CCAR1: variants seen among roughly 807,000 people sequenced by gnomAD.
CCAR1 encodes the protein cell division cycle and apoptosis regulator protein 1.
A neutral mutation model predicts 163.8 loss-of-function variants in CCAR1; 78 were observed. The observed-to-expected ratio is 0.48, with a 90% CI of 0.40 to 0.57. The LOEUF (loss-of-function observed/expected upper bound fraction) is 0.57. Ranked by LOEUF, CCAR1 falls within the 20% of genes least tolerant of loss-of-function variation. The pLI, the probability that CCAR1 is intolerant of heterozygous loss-of-function variation, is 0.00. For synonymous variants in CCAR1, 443 were observed against 460.7 expected (o/e 0.96, Z 0.49); for missense variants, 1,019 against 1,365.2 (o/e 0.75, Z 4.00).
chr10:68,764,533 T>G (rs1589177778), intron 16 of CCAR1, among the ~76,000 whole-genome samples: 1 of 150,896 alleles, frequency 6.6e-6, no homozygotes, highest in East Asian at 1.9e-4. Context: ...AGACCCTGTC[T>G]CAAAACAAAA....
Position 68,772,996 on chromosome 10 carries a change from TA to T in CCAR1, c.2551del (p.Arg851GlufsTer40). The T allele has an allele frequency of 2.2e-6, 3 of 1,392,336 alleles. No individual in the cohort carries two copies. Among genetic ancestry groups the T allele is most frequent in the African/African-American group, 1.5e-5 (1 of 68,414 alleles). The allele number at this position is 1,392,336 out of a possible 1,614,324, so 86.2% of individuals were successfully genotyped here. On this transcript the variant is annotated frameshift_variant, in exon 19 of 25. Coordinates refer to ENST00000265872, the MANE Select transcript of CCAR1 (RefSeq NM_018237.4). LOFTEE classifies it high-confidence loss of function. ...EDRDERKKEDKRKDDSKDDDE... is the reference protein window; with the variant it reads ...EDRDERKKEDXRKDDSKDDDE... ...GGCATTTTAAATTATAGAAAGAAGA[TA>T]AAAGAAAAGATGATTCTAAAGATGA...
At position 68,747,557 on chromosome 10, in the gene CCAR1, C is replaced by A; in HGVS notation, c.817C>A (p.Gln273Lys). The change falls in exon 8 of 25, where the codon CAG becomes AAG. Residue 273 changes from glutamine (Q) to lysine (K), a missense_variant. Physicochemically the swap from Gln to Lys is moderately conservative, Grantham distance 53. Transcript: ENST00000265872. The part of the protein sequence containing the change: ...TQPQPLLQQP[Q>K]QKAGLLQPPV... ...ACCACAGCCCTTATTACAGCAGCCT[C>A]AGCAAAAAGGTATCTTTGCTTTTGT... The A allele has an allele frequency of 6.2e-7, 1 of 1,608,644 alleles. No individual in the cohort carries two copies. Among genetic ancestry groups the A allele is most frequent in the Admixed American group, 1.7e-5 (1 of 58,784 alleles).
chr10:68,742,724 T>C (rs1217109813), intron 6 of CCAR1, among the ~76,000 whole-genome samples, 155 bp downstream of exon 6: 1 of 152,128 alleles, frequency 6.6e-6, no homozygotes, highest in Non-Finnish European at 1.5e-5. Context: ...CAAGCAATTC[T>C]CTTGCCTCAG....
At position 68,737,700 on chromosome 10, in the gene CCAR1, G is replaced by GT. The variant is rs1359346112; in HGVS notation, c.247-138dup. 76 of 397,574 alleles carry GT rather than the reference G, an allele frequency of 1.9e-4. 1 individual carries two copies. The Admixed American group carries it at 3.0e-3, about 16-fold the overall frequency. 24.6% of individuals were successfully genotyped at this position (397,574 alleles called of 1,614,324 possible). On this transcript the variant is annotated intron_variant, in intron 3 of 24. Transcript: ENST00000265872. ...TATTATTATTATTTTTATTTTTTTT[G>GT]TTTTTTTCTTTGAATCAATGCCACA...
intron 19 of CCAR1, among the ~76,000 whole-genome samples, chr10:68,780,262 C>G (rs1365474476): frequency 6.6e-6 from 1 of 152,128 alleles, no homozygotes; most frequent in Non-Finnish European, 1.5e-5. Flanking sequence ...GTAGCACGCT[C>G]GTGGCTCACT....
intron 3 of CCAR1, 87 bp downstream of exon 3, chr10:68,737,135 G>A (rs372384049): frequency 1.1e-6 from 1 of 875,374 alleles, no homozygotes; most frequent in Non-Finnish European, 1.8e-6. Context: ...TTTACAGGTA[G>A]TGAAGAATTA....
At chr10:68,728,556 C>T (rs2133302916) in intron 2 of CCAR1, among the ~76,000 whole-genome samples, 1 of 152,264 alleles carries the variant, frequency 6.6e-6, no homozygotes, top group South Asian at 2.1e-4. Context: ...GTCCTCACTT[C>T]CAAAGGACTT....
intron 2 of CCAR1, among the ~76,000 whole-genome samples, chr10:68,726,182 C>T (rs1057266009): frequency 4.2e-5 from 6 of 142,054 alleles, no homozygotes; most frequent in Admixed American, 1.5e-4. Context: ...GATTGAGTCT[C>T]GCTCTGTTGC....
In CCAR1 at chr10:68,735,998, G is replaced by A. The variant is rs1007255995; in HGVS notation, c.74-878G>A. Among the ~76,000 whole-genome samples the A allele has an allele frequency of 5.3e-5, 8 of 151,958 alleles. No individual in the cohort carries two copies. The East Asian group carries it at 5.8e-4, about 11-fold the overall frequency. On this transcript the variant is annotated intron_variant, in intron 2 of 24. Transcript: ENST00000265872. ...CTCCTGAGTTGCTGGTACTACAGGC[G>A]TGTGTCACCATGCCCAGTTAATTTT...
chr10:68,765,923 C>T lies in CCAR1; in HGVS notation c.2142C>T (p.Arg714=). 6.2e-7 allele frequency: 1 copy of T among 1,613,650 alleles called. No individual in the cohort carries two copies. Among genetic ancestry groups the T allele is most frequent in the Non-Finnish European group, 8.5e-7 (1 of 1,179,890 alleles). The change falls in exon 17 of 25, where the codon CGC becomes CGT. Residue 714 remains arginine (R), a synonymous_variant. Transcript: ENST00000265872. ...EERKRQEEIE[R]QRRERRYILP... ...GGAAACGTCAAGAGGAAATAGAACG[C>T]CAGCGTCGAGAAAGAAGATATATTT...
chr10:68,785,986 A>G, intron 19 of CCAR1, 150 bp from the exon 20 acceptor site: 1 of 548,568 alleles, frequency 1.8e-6, no homozygotes, highest in South Asian at 2.8e-5. Context: ...TCTGTCACCC[A>G]GACTGGAGTG....
chr10:68,787,861 G>A (rs1195093632), intron 21 of CCAR1, 66 bp from the exon 22 acceptor site: 2 of 1,463,580 alleles, frequency 1.4e-6, no homozygotes, highest in South Asian at 1.3e-5. Context: ...TTATATCATA[G>A]TTTTTCTAAG....
intron 15 of CCAR1, among the ~76,000 whole-genome samples, chr10:68,759,698 T>C (rs1373631373): frequency 6.6e-6 from 1 of 151,864 alleles, no homozygotes; most frequent in African/African-American, 2.4e-5. Flanking sequence ...CCATGAGCCA[T>C]GGTTGTGCCA....
intron 6 of CCAR1, among the ~76,000 whole-genome samples, chr10:68,745,577 C>T (rs1234565997): frequency 1.3e-5 from 2 of 151,808 alleles, no homozygotes; most frequent in East Asian, 1.9e-4. Context: ...AATTCTCCTG[C>T]CTCAGCCTCC....
rs1249976538 is a variant in CCAR1 at position 68,722,570 on chromosome 10, A to T, written c.66A>T (p.Ser22=). 1 of 1,611,758 alleles carries T rather than the reference A, an allele frequency of 6.2e-7. No homozygotes were observed. Among genetic ancestry groups the T allele is most frequent in the Non-Finnish European group, 8.5e-7 (1 of 1,177,828 alleles). ...CTCAGTTTACAGCCACTGCAGTATCACAGCCAGGTCAGGCTTCTAAATACA... is the reference window on the plus strand; with the variant it reads ...CTCAGTTTACAGCCACTGCAGTATCTCAGCCAGGTCAGGCTTCTAAATACA... The part of the protein sequence containing the change: ...WATQFTATAV[S]QPAALGVQQP... The change falls in exon 2 of 25, where the codon TCA becomes TCT. Residue 22 remains serine, a synonymous_variant. Coordinates refer to ENST00000265872, the MANE Select transcript of CCAR1 (RefSeq NM_018237.4).
At chr10:68,738,933 TAAAA>T (rs1458668995) in intron 4 of CCAR1, among the ~76,000 whole-genome samples, 1 of 151,988 alleles carries the variant, frequency 6.6e-6, no homozygotes, top group Non-Finnish European at 1.5e-5. Context: ...TGTAAAAAAT[TAAAA>T]TAAATAAAAT....
chr10:68,779,414 A>G (rs60243179), intron 19 of CCAR1, among the ~76,000 whole-genome samples: 1 of 151,560 alleles, frequency 6.6e-6, no homozygotes, highest in African/African-American at 2.4e-5. Context: ...ATGCACCACC[A>G]TGCCCGGTTA....
chr10:68,770,020 A>G (rs1344452851), intron 17 of CCAR1, among the ~76,000 whole-genome samples: 3 of 151,980 alleles, frequency 2.0e-5, no homozygotes, highest in Admixed American at 2.0e-4. Context: ...ATGCTTGCAT[A>G]GTAATAGATG....
Position 68,749,667 on chromosome 10 carries a change from C to CA in CCAR1, c.1103dup (p.Phe369ValfsTer9). On this transcript the variant is annotated frameshift_variant, in exon 10 of 25. Transcript: ENST00000265872. ...GTTCCACGTTACACAGTTCAGTTTT[C>CA]AAAGTTTTCTTTAGATTGGTAGGTT... The CA allele has an allele frequency of 6.2e-7, 1 of 1,608,268 alleles. No homozygotes were observed.
Sources: allele counts gnomAD v4.1 joint callset (sites outside exome capture counted in the v4.1 genomes callset), GRCh38; gene constraint gnomAD v4.1.1; transcripts MANE v1.5; gene names NCBI Gene and HGNC (gene_info 2026-07-23, HGNC 2026-07-21).